Variants in NELL2 observed in about 807,000 individuals in gnomAD.
NELL2 encodes neural EGFL like 2.
NELL2 carries 41 observed loss-of-function variants against 109.6 expected under a neutral mutation model. The ratio of observed to expected loss-of-function variants is 0.37; its 90% CI spans 0.29 to 0.49. The LOEUF is 0.49. Ranked by LOEUF, NELL2 falls within the 20% of genes least tolerant of loss-of-function variation. The probability of loss-of-function intolerance (pLI) is 0.98; values close to 1 mark genes in which losing one functional copy is unlikely to be tolerated. For missense variants in NELL2, 900 were observed against 1,008.3 expected (o/e 0.89, Z 1.45); for synonymous variants, 355 against 344.7 (o/e 1.03, Z -0.33).
At chr12:44,661,487 T>C (rs1299643438) in intron 13 of NELL2, among the ~76,000 whole-genome samples, 1 of 152,186 alleles carries the variant, frequency 6.6e-6, no homozygotes, top group East Asian at 1.9e-4. Context: ...GTTGCAGACC[T>C]GTATGGATTC....
intron 9 of NELL2, among the ~76,000 whole-genome samples, chr12:44,755,857 C>G (rs1054621109): frequency 2.0e-5 from 3 of 152,166 alleles, no homozygotes; most frequent in African/African-American, 7.2e-5. Context: ...AAAATCCTAA[C>G]GATGGATGAA....
chr12:44,617,648 C>T (rs1461420830), intron 13 of NELL2, among the ~76,000 whole-genome samples: 3 of 88,574 alleles, frequency 3.4e-5, no homozygotes, highest in Admixed American at 1.2e-4. Context: ...GCCGAGATCC[C>T]GCCACTGCAC....
At chr12:44,840,563 G>A (rs558155171) in intron 2 of NELL2, among the ~76,000 whole-genome samples, 43 of 152,186 alleles carry the variant, frequency 2.8e-4, no homozygotes, top group African/African-American at 4.1e-4. Context: ...TGAGAACCCG[G>A]GAGGCGGAGC....
upstream of NELL2, among the ~76,000 whole-genome samples, chr12:44,917,938 G>A (rs1200233159): frequency 6.6e-6 from 1 of 152,218 alleles, no homozygotes; most frequent in Non-Finnish European, 1.5e-5. Flanking sequence ...AATGGATTGT[G>A]CCATCAACTG....
exon 1 of NELL2, chr12:44,913,893 C>G: frequency 1.8e-6 from 1 of 558,658 alleles, no homozygotes; most frequent in Non-Finnish European, 2.9e-6. Context: ...AATAAAGCAT[C>G]TTCCTTATTT....
intron 2 of NELL2, among the ~76,000 whole-genome samples, chr12:44,837,651 C>T (rs1487112886): frequency 1.3e-5 from 2 of 152,098 alleles, no homozygotes; most frequent in Non-Finnish European, 2.9e-5. Context: ...TCAATAGCTA[C>T]CTTTGAAACC....
intron 2 of NELL2, among the ~76,000 whole-genome samples, chr12:44,818,501 G>A (rs1441767381): frequency 6.6e-6 from 1 of 152,086 alleles, no homozygotes; most frequent in East Asian, 1.9e-4. Context: ...TCAAGGATGT[G>A]GCCCAAAGAG....
chr12:44,691,429 G>A (rs753892456), intron 12 of NELL2, among the ~76,000 whole-genome samples: 1 of 152,140 alleles, frequency 6.6e-6, no homozygotes, highest in African/African-American at 2.4e-5. Context: ...TGGCTCTACT[G>A]ACTGGCCATT....
intron 13 of NELL2, among the ~76,000 whole-genome samples, chr12:44,655,579 C>A (rs1328240889): frequency 6.6e-6 from 1 of 152,190 alleles, no homozygotes; most frequent in African/African-American, 2.4e-5. Context: ...ACTGTGGAGA[C>A]ACGTCTCACT....
At chr12:44,587,449 C>T (rs931349581) in intron 15 of NELL2, among the ~76,000 whole-genome samples, 20 of 151,342 alleles carry the variant, frequency 1.3e-4, no homozygotes, top group Admixed American at 5.3e-4. Context: ...TATTACATTA[C>T]GAAATTGTTA....
At chr12:44,827,430 T>C (rs1943749930) in intron 2 of NELL2, among the ~76,000 whole-genome samples, 1 of 117,322 alleles carries the variant, frequency 8.5e-6, no homozygotes, top group South Asian at 3.0e-4. Context: ...TTTTTTTTTG[T>C]ACCCATTAAG....
intron 12 of NELL2, among the ~76,000 whole-genome samples, chr12:44,690,639 G>T (rs1015616243): frequency 6.6e-6 from 1 of 152,064 alleles, no homozygotes; most frequent in African/African-American, 2.4e-5. Flanking sequence ...TCCTGCATCT[G>T]GAAAATGGGC....
intron 1 of NELL2, among the ~76,000 whole-genome samples, chr12:44,882,341 A>G (rs536617977): frequency 4.0e-5 from 6 of 151,534 alleles, no homozygotes; most frequent in South Asian, 2.1e-4. Flanking sequence ...ATATGTATGT[A>G]TATATATATA....
intron 15 of NELL2, among the ~76,000 whole-genome samples, chr12:44,596,863 GC>G (rs2136232747): frequency 6.6e-6 from 1 of 152,298 alleles, no homozygotes; most frequent in East Asian, 1.9e-4. Context: ...CATCCTCCAA[GC>G]CTACTTGTAA....
At chr12:44,832,154 G>C (rs1377427833) in intron 2 of NELL2, among the ~76,000 whole-genome samples, 2 of 152,194 alleles carry the variant, frequency 1.3e-5, no homozygotes, top group East Asian at 3.9e-4. Context: ...TTAGCTCAAG[G>C]GGCCATATAA....
At chr12:44,807,443 T>C (rs773591399) in intron 3 of NELL2, among the ~76,000 whole-genome samples, 8 of 151,662 alleles carry the variant, frequency 5.3e-5, no homozygotes, top group East Asian at 1.9e-4. Flanking sequence ...TGGTATTAGA[T>C]AGTAAATCAT....
At chr12:44,815,876 C>A in intron 3 of NELL2, 110 bp downstream of exon 3, 1 of 1,274,094 alleles carries the variant, frequency 7.8e-7, no homozygotes, top group Non-Finnish European at 1.1e-6. Flanking sequence ...CTCGGCTTCC[C>A]AAATCATAAA....
intron 2 of NELL2, among the ~76,000 whole-genome samples, chr12:44,842,804 AACAGACACACAGAG>A (rs1439315600): frequency 1.3e-5 from 2 of 152,106 alleles, no homozygotes; most frequent in Admixed American, 1.3e-4. Flanking sequence ...CATATGAACA[AACAGACACACAGAG>A]ACAGACACGC....
chr12:44,784,895 A>G (rs909313821), intron 3 of NELL2, among the ~76,000 whole-genome samples: 17 of 152,066 alleles, frequency 1.1e-4, no homozygotes, highest in African/African-American at 3.9e-4. Context: ...AATAATAAGA[A>G]CTATTTATGA....
Sources: allele counts gnomAD v4.1 joint callset (sites outside exome capture counted in the v4.1 genomes callset), GRCh38; gene constraint gnomAD v4.1.1; transcripts MANE v1.5; gene names NCBI Gene and HGNC (gene_info 2026-07-23, HGNC 2026-07-21).